CFI: variants seen among roughly 807,000 people sequenced by gnomAD.
The protein encoded by CFI is complement factor I, also known as C3B/C4B inactivator.
CFI carries 66 observed loss-of-function variants against 78.8 expected under a neutral mutation model. That is an observed-to-expected ratio of 0.84 (90% CI 0.69 to 1.03). CFI has a LOEUF of 1.03. Ranked by LOEUF, CFI falls within the 50% of genes least tolerant of loss-of-function variation. CFI has a pLI of 0.00. For missense variants in CFI, 706 were observed against 704.5 expected, an observed-to-expected ratio of 1.00 and a Z score of -0.02; for synonymous variants, 250 against 232.6, an observed-to-expected ratio of 1.07 and a Z score of -0.68.
intron 1 of CFI, among the ~76,000 whole-genome samples, chr4:109,792,705 T>C (rs1731537364): frequency 6.6e-6 from 1 of 152,220 alleles, no homozygotes; most frequent in African/African-American, 2.4e-5. Context: ...TCCTGAAGAA[T>C]TGACCCTTTC....
rs1386621186 is a variant in CFI at position 109,752,997 on chromosome 4, T to A, written c.905-494A>T. Among the ~76,000 whole-genome samples, 14 of 8,968 alleles carry A rather than the reference T, an allele frequency of 1.6e-3. 2 individuals are homozygous for A. Among genetic ancestry groups the A allele is most frequent in the South Asian group, 0.012 (2 of 166 alleles). The allele number at this position is 8,968 out of a possible 152,430, so 5.9% of individuals were successfully genotyped here. ...ATTATATGAATAAATATTTATAATATATATTTATTATATATTTATTATATA... is the reference window on the plus strand; with the variant it reads ...ATTATATGAATAAATATTTATAATAAATATTTATTATATATTTATTATATA... On this transcript the variant is annotated intron_variant, in intron 7 of 12. Transcript: ENST00000394634.
chr4:109,748,764 C>T (rs1346157949), intron 10 of CFI, among the ~76,000 whole-genome samples: 3 of 152,118 alleles, frequency 2.0e-5, no homozygotes, highest in African/African-American at 2.4e-5. Context: ...CATGGGGCCT[C>T]ATGGGCCATG....
At chr4:109,739,657 C>T (rs757774397), downstream of CFI, among the ~76,000 whole-genome samples, 1 of 152,082 alleles carries the variant, frequency 6.6e-6, no homozygotes, top group Non-Finnish European at 1.5e-5. Flanking sequence ...TGTTCAGTGG[C>T]ATATACTAAT....
chr4:109,779,187 C>G (rs1431450766), intron 1 of CFI, among the ~76,000 whole-genome samples: 1 of 152,124 alleles, frequency 6.6e-6, no homozygotes, highest in Non-Finnish European at 1.5e-5. Flanking sequence ...AAGAGTAAGT[C>G]AAATTGTCCC....
Position 109,740,801 on chromosome 4 carries a change from C to A in CFI, c.*92G>T. 2 of 1,191,668 alleles carry A rather than the reference C, an allele frequency of 1.7e-6. No homozygotes were observed. Among genetic ancestry groups the A allele is most frequent in the Non-Finnish European group, 2.5e-6 (2 of 808,962 alleles). 73.8% of individuals were successfully genotyped at this position (1,191,668 alleles called of 1,614,324 possible). ...ATCCAGTGAGATTTGCTTCATTTTT[C>A]CCCCCTAGAGAATTATTAATTATAC... On this transcript the variant is annotated 3_prime_UTR_variant, in exon 13 of 13. Transcript: ENST00000394634.
At chr4:109,741,266 G>A (rs1200063813) in intron 12 of CFI, 156 bp from the exon 13 acceptor site, 1 of 985,474 alleles carries the variant, frequency 1.0e-6, no homozygotes, top group East Asian at 1.1e-4. Context: ...GGCTTGCAGA[G>A]TTGCAGAGAT....
At chr4:109,781,207 T>C (rs1046449290) in intron 1 of CFI, among the ~76,000 whole-genome samples, 4 of 152,050 alleles carry the variant, frequency 2.6e-5, no homozygotes, top group African/African-American at 9.7e-5. Flanking sequence ...AAGTTAAAGA[T>C]AAATGAAACA....
rs779679778 is a variant in CFI, at chr4:109,749,507, C to T, written c.1036G>A (p.Ala346Thr). 1.2e-6 allele frequency: 2 copies of T among 1,611,910 alleles called. No homozygotes were observed. Among genetic ancestry groups the T allele is most frequent in the Admixed American group, 3.3e-5 (2 of 60,010 alleles). ...RRKRIVGGKRAQLGDLPWQVA... is the reference protein window; with the variant it reads ...RRKRIVGGKRTQLGDLPWQVA... ...TTTTCATGCGACTTTACCAGTTGTG[C>T]TCGCTTTCCTCCCACAATTCGTTTC... Residue 346 changes from alanine to threonine, a missense_variant, in exon 9 of 13, where the codon GCA (alanine) becomes ACA (threonine). By Grantham distance (58) the Ala-to-Thr change is moderately conservative (BLOSUM62 0). Coordinates refer to ENST00000394634, the MANE Select transcript of CFI (RefSeq NM_000204.5).
intron 1 of CFI, among the ~76,000 whole-genome samples, chr4:109,774,329 A>C (rs955238184): frequency 6.6e-6 from 1 of 152,102 alleles, no homozygotes; most frequent in Non-Finnish European, 1.5e-5. Context: ...TGAGGGGAGA[A>C]TTGCTGTTTT....
chr4:109,753,632 T>C (rs1394862549), intron 7 of CFI, among the ~76,000 whole-genome samples: 7 of 88,680 alleles, frequency 7.9e-5, no homozygotes, highest in African/African-American at 3.2e-4. Context: ...TTTATTATAA[T>C]ATGTATAATT....
chr4:109,757,990 C>A, intron 6 of CFI: 1 of 1,424,176 alleles, frequency 7.0e-7, no homozygotes, highest in Non-Finnish European at 9.3e-7. Flanking sequence ...CTCACTATAG[C>A]AAAGAGATCA....
intron 1 of CFI, among the ~76,000 whole-genome samples, chr4:109,798,195 G>C (rs1732297012): frequency 6.6e-6 from 1 of 152,140 alleles, no homozygotes; most frequent in African/African-American, 2.4e-5. Flanking sequence ...GGGAAACAGG[G>C]AAGTGTTAGT....
At chr4:109,801,362 C>T (rs1363984391) in intron 1 of CFI, among the ~76,000 whole-genome samples, 2 of 152,164 alleles carry the variant, frequency 1.3e-5, no homozygotes, top group Non-Finnish European at 2.9e-5. Context: ...CAGCTCAAAT[C>T]CTACTTGATC....
intron 1 of CFI, among the ~76,000 whole-genome samples, chr4:109,780,608 A>G (rs1457210639): frequency 1.3e-5 from 2 of 152,232 alleles, no homozygotes; most frequent in African/African-American, 4.8e-5. Flanking sequence ...ACAGATCTAG[A>G]ACTGGAAATA....
At chr4:109,758,107 A>G in intron 6 of CFI, 1 of 515,916 alleles carries the variant, frequency 1.9e-6, no homozygotes, top group Non-Finnish European at 3.2e-6. Flanking sequence ...CCTAAATAAG[A>G]GTAAACTGAA....
chr4:109,784,993 G>C (rs565364512), intron 1 of CFI, among the ~76,000 whole-genome samples: 1 of 151,892 alleles, frequency 6.6e-6, no homozygotes, highest in East Asian at 1.9e-4. Context: ...CCACCCTTGC[G>C]ATAATGTACT....
chr4:109,737,605 A>G (rs763587614), downstream of CFI, among the ~76,000 whole-genome samples: 1 of 152,188 alleles, frequency 6.6e-6, no homozygotes, highest in Non-Finnish European at 1.5e-5. Context: ...GAGCTCACAG[A>G]AGCAGCAATG....
At position 109,774,031 on chromosome 4, in the gene CFI, G is replaced by T. The variant is rs74377806; in HGVS notation, c.58-7207C>A. Among the ~76,000 whole-genome samples the T allele has an allele frequency of 2.0e-3, 303 of 152,256 alleles. 4 individuals are homozygous for T. Among genetic ancestry groups the T allele is most frequent in the African/African-American group, 6.9e-3 (288 of 41,546 alleles). On this transcript the variant is annotated intron_variant, in intron 1 of 12. Coordinates refer to ENST00000394634, the MANE Select transcript of CFI (RefSeq NM_000204.5). ...TCAGTGGAATGTGGAAAAAATATCAGAAATTTTATTGATTTATATGTTTTA... is the reference window on the plus strand; with the variant it reads ...TCAGTGGAATGTGGAAAAAATATCATAAATTTTATTGATTTATATGTTTTA...
At chr4:109,737,701 C>T (rs796875574), downstream of CFI, among the ~76,000 whole-genome samples, 57 of 152,346 alleles carry the variant, frequency 3.7e-4, 1 homozygote, top group African/African-American at 1.3e-3. Flanking sequence ...TGGAGCAGTC[C>T]TGCAGTGTGG....
Sources: gnomAD v4.1 joint callset for allele counts (sites outside exome capture counted in the v4.1 genomes callset) on GRCh38, gnomAD v4.1.1 for gene constraint, MANE v1.5 for transcripts, NCBI Gene and HGNC (gene_info 2026-07-23, HGNC 2026-07-21) for gene names.